The following CKAP5 variants were observed in gnomAD, a reference collection of about 807,000 sequenced individuals.
CKAP5 encodes the protein cytoskeleton-associated protein 5.
In CKAP5, 27 loss-of-function variants were observed where a neutral mutation model predicts 232.8. The ratio of observed to expected loss-of-function variants is 0.12; its 90% CI spans 0.09 to 0.16. The LOEUF (loss-of-function observed/expected upper bound fraction) is 0.16, where lower values mean the gene tolerates loss of function less well. CKAP5 is among the 10% of genes least tolerant of loss of function. The probability of loss-of-function intolerance (pLI) is 1.00; values close to 1 mark genes in which losing one functional copy is unlikely to be tolerated. For missense variants in CKAP5, 1,838 were observed against 2,424.7 expected (o/e 0.76, Z 5.08); for synonymous variants, 785 against 841.1 (o/e 0.93, Z 1.16).
intron 1 of CKAP5, among the ~76,000 whole-genome samples, chr11:46,827,628 GAAA>G (rs988154621): frequency 1.3e-5 from 2 of 151,654 alleles, no homozygotes; most frequent in Non-Finnish European, 2.9e-5. Flanking sequence ...CTCTATAAAA[GAAA>G]AAAAGAAAAA....
chr11:46,771,117 T>C, intron 24 of CKAP5, 135 bp from the exon 25 acceptor site: 1 of 639,722 alleles, frequency 1.6e-6, no homozygotes, highest in East Asian at 2.7e-5. Flanking sequence ...ATGAAATCAG[T>C]ACTTTTCATA....
chr11:46,783,226 A>C (rs1425025812), intron 18 of CKAP5, 48 bp downstream of exon 18: 1 of 1,072,498 alleles, frequency 9.3e-7, no homozygotes, highest in Non-Finnish European at 1.4e-6. Flanking sequence ...CGACTTAGAG[A>C]CTGACAGAAC....
intron 18 of CKAP5, 31 bp downstream of exon 18, chr11:46,783,243 C>T (rs1359182600): frequency 2.4e-6 from 3 of 1,250,214 alleles, no homozygotes; most frequent in African/African-American, 3.0e-5. Flanking sequence ...GAACATTTAA[C>T]TATTTTCCAC....
At chr11:46,818,545 G>T in intron 2 of CKAP5, 42 bp from the exon 3 acceptor site, 4 of 1,360,072 alleles carry the variant, frequency 2.9e-6, no homozygotes, top group Non-Finnish European at 2.9e-6. Context: ...ATAATTTAAT[G>T]ATATTATCAT....
At chr11:46,761,926 C>T (rs114959916) in intron 32 of CKAP5, 74 bp downstream of exon 32, 13,412 of 1,257,208 alleles carry the variant, frequency 0.011, 99 homozygotes, top group African/African-American at 0.016. Flanking sequence ...GTTGAGAGGA[C>T]AGGAAACCTA....
At chr11:46,829,581 T>G (rs1939729644) in intron 1 of CKAP5, among the ~76,000 whole-genome samples, 1 of 152,204 alleles carries the variant, frequency 6.6e-6, no homozygotes, top group Non-Finnish European at 1.5e-5. Flanking sequence ...CTAGCTTACT[T>G]TACTGTAAGA....
chr11:46,789,086 AGT>A (rs2065423606), intron 15 of CKAP5, among the ~76,000 whole-genome samples: 1 of 152,208 alleles, frequency 6.6e-6, no homozygotes, highest in South Asian at 2.1e-4. Context: ...TCATTTGCCT[AGT>A]GTGTGGCAGA....
In CKAP5 at chr11:46,750,384, A is replaced by G. The variant is rs754805975; in HGVS notation, c.5594T>C (p.Ile1865Thr). ...EYKKKYSDAD[I>T]EPFLKNSSQF... Reference sequence around the variant, plus strand: ...TGAGGAATTTTTCAGAAATGGTTCAATGTCAGCATCTGAGTATTTCTTCTT... The same window carrying G: ...TGAGGAATTTTTCAGAAATGGTTCAGTGTCAGCATCTGAGTATTTCTTCTT... The change falls in exon 42 of 44, where the codon ATT (isoleucine) becomes ACT (threonine). Residue 1865 changes from isoleucine to threonine, a missense_variant. Ile to Thr is a moderately conservative substitution (Grantham distance 89, BLOSUM62 -1). Coordinates refer to ENST00000529230, the MANE Select transcript of CKAP5 (RefSeq NM_001008938.4). 1 of 1,614,156 alleles carries G rather than the reference A, an allele frequency of 6.2e-7. No homozygotes were observed. The highest frequency in any genetic ancestry group is 1.7e-5 in the Admixed American group (1 of 60,024).
intron 1 of CKAP5, among the ~76,000 whole-genome samples, chr11:46,835,701 C>T (rs1469731313): frequency 2.0e-5 from 3 of 152,072 alleles, no homozygotes; most frequent in African/African-American, 7.2e-5. Flanking sequence ...TGAAAAGAGA[C>T]AAATCTTCCT....
chr11:46,814,394 C>CA (rs1398540998), intron 4 of CKAP5, among the ~76,000 whole-genome samples: 5 of 151,926 alleles, frequency 3.3e-5, no homozygotes, highest in Admixed American at 6.6e-5. Flanking sequence ...ATGAGCAAAG[C>CA]AAAAAACAAT....
At chr11:46,823,455 C>A (rs1383994435) in intron 1 of CKAP5, among the ~76,000 whole-genome samples, 1 of 152,120 alleles carries the variant, frequency 6.6e-6, no homozygotes, top group Non-Finnish European at 1.5e-5. Context: ...AATCCCCTTA[C>A]AACATTTTTG....
intron 12 of CKAP5, among the ~76,000 whole-genome samples, chr11:46,796,541 A>C (rs1360301482): frequency 6.6e-6 from 1 of 152,190 alleles, no homozygotes; most frequent in Non-Finnish European, 1.5e-5. Flanking sequence ...GGTCTGAACT[A>C]TCAGTGGAGG....
intron 25 of CKAP5, among the ~76,000 whole-genome samples, chr11:46,770,533 G>A (rs971385800): frequency 1.3e-5 from 2 of 152,278 alleles, no homozygotes; most frequent in African/African-American, 4.8e-5. Flanking sequence ...CTGGGTTCAT[G>A]CGATTCTCCT....
intron 4 of CKAP5, 21 bp downstream of exon 4, chr11:46,816,177 A>C (rs1939396319): frequency 6.3e-7 from 1 of 1,599,934 alleles, no homozygotes; most frequent in African/African-American, 1.3e-5. Context: ...TCTAGTTAAC[A>C]AAGCTAAAAC....
chr11:46,759,334 T>C lies in CKAP5; in HGVS notation c.4503A>G (p.Glu1501=). ...IENDNGTVRC[E]MPELVQHKLD... is the part of the protein sequence containing the mutation. ...GTTTGTGCTGAACAAGTTCTGGCAT[T>C]TCACATCGGACTGTACCATTGTCAT... Residue 1501 remains glutamate (E), a synonymous_variant, in exon 34 of 44, where the codon GAA becomes GAG. Transcript: ENST00000529230. 6.2e-7 allele frequency: 1 copy of C among 1,614,164 alleles called. No homozygotes were observed.
At chr11:46,754,483 T>C (rs2065095616) in intron 36 of CKAP5, among the ~76,000 whole-genome samples, 1 of 152,194 alleles carries the variant, frequency 6.6e-6, no homozygotes, top group Non-Finnish European at 1.5e-5. Flanking sequence ...TTTTTTCCCT[T>C]TTATTTTTAG....
intron 1 of CKAP5, among the ~76,000 whole-genome samples, chr11:46,838,521 C>T (rs1425268926): frequency 6.8e-6 from 1 of 147,970 alleles, no homozygotes; most frequent in African/African-American, 2.5e-5. Context: ...GCCTGTAATC[C>T]TAGCACTTTA....
At position 46,744,157 on chromosome 11, in the gene CKAP5, G is replaced by A. The variant is rs759782635; in HGVS notation, c.5965C>T (p.Arg1989Trp). 5 of 1,614,128 alleles carry A rather than the reference G, an allele frequency of 3.1e-6. No homozygotes were observed. The highest frequency in any genetic ancestry group is 1.3e-5 in the African/African-American group (1 of 75,024). The change falls in exon 44 of 44, where the codon CGG (arginine) becomes TGG (tryptophan). Residue 1989 changes from arginine to tryptophan, a missense_variant. Physicochemically the swap from Arg to Trp is moderately radical, Grantham distance 101. Around this residue, in one of 6 missense-constraint regions of CKAP5, gnomAD observed 62 missense variants for 61.1 expected, o/e 1.01. Transcript: ENST00000529230. The part of the protein sequence containing the change: ...HSKLSQLRES[R>W]EQHQHSDLDS... ...AGGTCTGAATGCTGGTGCTGCTCCC[G>A]TGACTCCCGGAGCTGAGAGAGTTTG...
At chr11:46,747,896 C>T (rs943265989) in intron 42 of CKAP5, among the ~76,000 whole-genome samples, 4 of 151,896 alleles carry the variant, frequency 2.6e-5, no homozygotes, top group African/African-American at 9.7e-5. Context: ...CCTGTCTCTA[C>T]AAAAAATACA....
Sources: allele counts gnomAD v4.1 joint callset (sites outside exome capture counted in the v4.1 genomes callset), GRCh38; gene constraint gnomAD v4.1.1; regional missense constraint gnomAD v4.1.1; transcripts MANE v1.5; gene names NCBI Gene and HGNC (gene_info 2026-07-23, HGNC 2026-07-21).